TRNP1: variants seen among roughly 807,000 people sequenced by gnomAD.
TRNP1 encodes the protein TMF1 regulated nuclear protein 1.
TRNP1 carries 16 observed loss-of-function variants against 12.2 expected under a neutral mutation model. The ratio of observed to expected loss-of-function variants is 1.31; its 90% CI spans 0.89 to 1.99. The LOEUF is 1.99. Among genes scored for constraint, TRNP1 ranks in the 30% most tolerant of loss-of-function variants. TRNP1 has a pLI of 0.00. For synonymous variants in TRNP1, 139 were observed against 166.2 expected (o/e 0.84, Z 1.26); for missense variants, 338 against 330.4 (o/e 1.02, Z -0.18).
Position 26,993,888 on chromosome 1 carries a change from G to A in TRNP1, c.102G>A (p.Gln34=), listed in dbSNP as rs1355441095. 1 of 1,373,244 alleles carries A rather than the reference G, an allele frequency of 7.3e-7. No individual in the cohort carries two copies. The highest frequency in any genetic ancestry group is 9.3e-7 in the Non-Finnish European group (1 of 1,070,404). The allele number at this position is 1,373,244 out of a possible 1,614,324, so 85.1% of individuals were successfully genotyped here. A position where few individuals can be genotyped will look rare whatever the true frequency, so the allele number is the denominator to read the frequency against. ...PPPWDPMPSS[Q]PPPPTPTLTP... ...CCTGGGATCCCATGCCGTCCTCTCA[G>A]CCCCCGCCCCCAACTCCGACCTTGA... is the stretch of plus-strand genomic sequence containing the variant. Residue 34 remains glutamine (Q), a synonymous_variant, in exon 1 of 2, where the codon CAG becomes CAA. Transcript: ENST00000522111.
intron 1 of TRNP1, among the ~76,000 whole-genome samples, chr1:26,995,115 G>T (rs1223400917): frequency 1.3e-5 from 2 of 152,202 alleles, no homozygotes; most frequent in Non-Finnish European, 2.9e-5. Flanking sequence ...AGAGGTTTAG[G>T]ATTTGTTCTC....
Position 26,994,657 on chromosome 1 carries a change from GT to G in TRNP1, c.*142+46del, listed in dbSNP as rs2082536499. ...TGCGTTCGAGGGTCGGTCATGGCGT[GT>G]GGGGGGCTGGTCCAGGGCCCGGGAA... is the stretch of plus-strand genomic sequence containing the variant. On this transcript the variant is annotated intron_variant, in intron 1 of 1. Transcript: ENST00000522111. This position sits in a 1 kb window ranked among gnomAD's most constrained non-coding sequence, Gnocchi z 6.9. 6.8e-6 allele frequency: 2 copies of G among 294,732 alleles called. No individual in the cohort carries two copies. The highest frequency in any genetic ancestry group is 1.7e-4 in the East Asian group (2 of 11,430). 18.3% of individuals were successfully genotyped at this position (294,732 alleles called of 1,614,324 possible).
chr1:26,998,359 T>C (rs74062569), intron 1 of TRNP1, among the ~76,000 whole-genome samples: 5,648 of 152,180 alleles, frequency 0.037, 342 homozygotes, highest in African/African-American at 0.13. Flanking sequence ...AGACCAGAGT[T>C]ATTTTGTATT....
At position 26,994,188 on chromosome 1, in the gene TRNP1, C is replaced by T. The variant is rs1056412572; in HGVS notation, c.402C>T (p.Phe134=). The T allele has an allele frequency of 8.2e-5, 107 of 1,297,692 alleles. No individual in the cohort carries two copies. In the African/African-American group the frequency reaches 1.3e-3, roughly 16 times the overall value. The allele number at this position is 1,297,692 out of a possible 1,614,324, so 80.4% of individuals were successfully genotyped here. The part of the protein sequence containing the change: ...ESRVLQLHRV[F]LAAELRLAHR... Reference sequence around the variant, plus strand: ...GCGTGCTGCAGCTGCACCGCGTTTTCTTGGCGGCCGAGCTGCGCCTGGCGC... The same window carrying T: ...GCGTGCTGCAGCTGCACCGCGTTTTTTTGGCGGCCGAGCTGCGCCTGGCGC... Residue 134 remains phenylalanine, a synonymous_variant, in exon 1 of 2, where the codon TTC becomes TTT. Coordinates refer to ENST00000522111, the MANE Select transcript of TRNP1 (RefSeq NM_001013642.3). This position sits in a 1 kb window ranked among gnomAD's most constrained non-coding sequence, Gnocchi z 6.9.
At position 27,000,706 on chromosome 1, in the gene TRNP1, C is replaced by G. The variant is rs1322362555; in HGVS notation, c.*1002C>G. The stretch of plus-strand genomic sequence containing the variant: ...TGCAAGTGCCCTTGCTGCCTTTCCT[C>G]TGTGTCTATTATGGCTCTTTAAGTT... On this transcript the variant is annotated 3_prime_UTR_variant, in exon 2 of 2. Transcript: ENST00000522111. 6.6e-6 allele frequency: 1 copy of G among 152,388 alleles called. No individual in the cohort carries two copies. The highest frequency in any genetic ancestry group is 2.4e-5 in the African/African-American group (1 of 41,444). 9.4% of individuals were successfully genotyped at this position (152,388 alleles called of 1,614,324 possible).
intron 1 of TRNP1, among the ~76,000 whole-genome samples, chr1:26,998,818 G>GA (rs1185862283): frequency 1.3e-5 from 2 of 152,242 alleles, no homozygotes; most frequent in Admixed American, 6.5e-5. Flanking sequence ...TGAAGAAACA[G>GA]AGAGGGAGGG....
chr1:26,995,462 T>C (rs1169897024), intron 1 of TRNP1, among the ~76,000 whole-genome samples: 1 of 152,344 alleles, frequency 6.6e-6, no homozygotes, highest in East Asian at 1.9e-4. Context: ...CTGTCCCCAC[T>C]GTGAATGACC....
intron 1 of TRNP1, among the ~76,000 whole-genome samples, chr1:26,996,613 G>C (rs1012702641): frequency 2.0e-5 from 3 of 152,202 alleles, no homozygotes; most frequent in African/African-American, 7.2e-5. Context: ...CTGCAGCCAG[G>C]ACCATTTGTT....
intron 1 of TRNP1, among the ~76,000 whole-genome samples, chr1:26,998,236 A>G (rs1370533394): frequency 6.6e-6 from 1 of 151,648 alleles, no homozygotes; most frequent in Non-Finnish European, 1.5e-5. Context: ...AAAAGGGGGG[A>G]GCAAAGGAAG....
At chr1:26,998,897 T>C (rs1227745520) in intron 1 of TRNP1, among the ~76,000 whole-genome samples, 2 of 152,238 alleles carry the variant, frequency 1.3e-5, no homozygotes, top group African/African-American at 2.4e-5. Context: ...TATATGGTGA[T>C]TCATTTATCA....
Position 27,000,790 on chromosome 1 carries a change from T to G in TRNP1, c.*1086T>G, listed in dbSNP as rs1208125603. On this transcript the variant is annotated 3_prime_UTR_variant, in exon 2 of 2. Coordinates refer to ENST00000522111, the MANE Select transcript of TRNP1 (RefSeq NM_001013642.3). ...TTTGGCAGTCTGGCCCTGTTGACTT[T>G]GATTTGCAGACCAATTCTCCCTTGA... 1 of 152,266 alleles carries G rather than the reference T, an allele frequency of 6.6e-6. No homozygotes were observed. The highest frequency in any genetic ancestry group is 6.5e-5 in the Admixed American group (1 of 15,284). 9.4% of individuals were successfully genotyped at this position (152,266 alleles called of 1,614,324 possible). A position where few individuals can be genotyped will look rare whatever the true frequency, so the allele number is the denominator to read the frequency against.
chr1:26,997,613 G>C (rs1036762064), intron 1 of TRNP1, among the ~76,000 whole-genome samples: 4 of 152,156 alleles, frequency 2.6e-5, no homozygotes, highest in African/African-American at 4.8e-5. Context: ...CAGCTCTGGG[G>C]ACAGGACTGA....
At position 26,996,954 on chromosome 1, in the gene TRNP1, G is replaced by A. The variant is rs535862410; in HGVS notation, c.*142+2342G>A. Among the ~76,000 whole-genome samples the A allele has an allele frequency of 1.1e-3, 164 of 152,164 alleles. 2 individuals carry two copies. Among genetic ancestry groups the A allele is most frequent in the African/African-American group, 3.9e-3 (161 of 41,490 alleles). Reference sequence around the variant, plus strand: ...ACTTGAACCCCAGCTCCTAGTTAGTGCTATGTCCATTACCACATAGCCAAC... The same window carrying A: ...ACTTGAACCCCAGCTCCTAGTTAGTACTATGTCCATTACCACATAGCCAAC... On this transcript the variant is annotated intron_variant, in intron 1 of 1. Transcript: ENST00000522111.
Position 26,994,036 on chromosome 1 carries a change from G to C in TRNP1, c.250G>C (p.Ala84Pro). The C allele has an allele frequency of 8.1e-7, 1 of 1,236,660 alleles. No homozygotes were observed. The highest frequency in any genetic ancestry group is 1.0e-6 in the Non-Finnish European group (1 of 991,040). 76.6% of individuals were successfully genotyped at this position (1,236,660 alleles called of 1,614,324 possible). A position where few individuals can be genotyped will look rare whatever the true frequency, so the allele number is the denominator to read the frequency against. ...GGGCGCTAGCGGGATCGCGGGGCTC[G>C]CCGGCCCCGGAGGGGGCTCTGGCGC... ...RQGASGIAGL[A>P]GPGGGSGAAA... is the part of the protein sequence containing the mutation. Residue 84 changes from alanine (A) to proline (P), a missense_variant, in exon 1 of 2, where the codon GCC becomes CCC. Transcript: ENST00000522111. The surrounding 1 kb of genome is among the most constrained non-coding windows in gnomAD (Gnocchi z 6.9).
chr1:26,994,460 C>G lies in TRNP1; in HGVS notation c.674C>G (p.Pro225Arg), dbSNP rs1324970175. Residue 225 changes from proline (P) to arginine (R), a missense_variant, in exon 1 of 2, where the codon CCG becomes CGG. Transcript: ENST00000522111. The surrounding 1 kb of genome is among the most constrained non-coding windows in gnomAD (Gnocchi z 6.9). Reference protein sequence around the residue: ...RRSPPRGPASPQR With the variant: ...RRSPPRGPASRQR The stretch of plus-strand genomic sequence containing the variant: ...AGCCCGCCCCGCGGCCCCGCCTCCC[C>G]GCAGCGCTGACCTCCACGCCCGGAC... The G allele has an allele frequency of 1.7e-6, 2 of 1,178,354 alleles. No homozygotes were observed. Among genetic ancestry groups the G allele is most frequent in the African/African-American group, 3.2e-5 (2 of 62,332 alleles). The allele number at this position is 1,178,354 out of a possible 1,614,324, so 73.0% of individuals were successfully genotyped here. A position where few individuals can be genotyped will look rare whatever the true frequency, so the allele number is the denominator to read the frequency against.
chr1:26,997,282 C>G (rs1287056268), intron 1 of TRNP1, among the ~76,000 whole-genome samples: 2 of 138,894 alleles, frequency 1.4e-5, no homozygotes, highest in Non-Finnish European at 3.1e-5. Context: ...TTGCACCGCA[C>G]TCCAGCCTGG....
At position 26,993,894 on chromosome 1, in the gene TRNP1, GC is replaced by G; in HGVS notation, c.113del (p.Pro38GlnfsTer5). ...WDPMPSSQPPPPTPTLTPTPT... is the reference protein window; with the variant it reads ...WDPMPSSQPPXPTPTLTPTPT... ...ATCCCATGCCGTCCTCTCAGCCCCC[GC>G]CCCCAACTCCGACCTTGACTCCTAC... On this transcript the variant is annotated frameshift_variant, in exon 1 of 2. Coordinates refer to ENST00000522111, the MANE Select transcript of TRNP1 (RefSeq NM_001013642.3). LOFTEE classifies it high-confidence loss of function. The G allele has an allele frequency of 2.9e-6, 4 of 1,373,602 alleles. No homozygotes were observed. Among genetic ancestry groups the G allele is most frequent in the South Asian group, 1.7e-5 (1 of 58,444 alleles). The allele number at this position is 1,373,602 out of a possible 1,614,324, so 85.1% of individuals were successfully genotyped here. A position where few individuals can be genotyped will look rare whatever the true frequency, so the allele number is the denominator to read the frequency against.
rs1452411894 is a variant in TRNP1 at position 27,000,810 on chromosome 1, C to T, written c.*1106C>T. 2 of 152,160 alleles carry T rather than the reference C, an allele frequency of 1.3e-5. No individual in the cohort carries two copies. The highest frequency in any genetic ancestry group is 2.9e-5 in the Non-Finnish European group (2 of 68,048). The allele number at this position is 152,160 out of a possible 1,614,324, so 9.4% of individuals were successfully genotyped here. ...GACTTTGATTTGCAGACCAATTCTCCCTTGACCTGACTCACAGCCGCCTGC... is the reference window on the plus strand; with the variant it reads ...GACTTTGATTTGCAGACCAATTCTCTCTTGACCTGACTCACAGCCGCCTGC... On this transcript the variant is annotated 3_prime_UTR_variant, in exon 2 of 2. Coordinates refer to ENST00000522111, the MANE Select transcript of TRNP1 (RefSeq NM_001013642.3).
chr1:26,996,540 G>A lies in TRNP1; in HGVS notation c.*142+1928G>A, dbSNP rs114515719. Among the ~76,000 whole-genome samples, 488 of 152,326 alleles carry A rather than the reference G, an allele frequency of 3.2e-3. 3 individuals are homozygous for A. The highest frequency in any genetic ancestry group is 0.011 in the African/African-American group (450 of 41,570). On this transcript the variant is annotated intron_variant, in intron 1 of 1. Transcript: ENST00000522111. ...TCCAAAGCCACTTGGGTCATTTGGGGTCTAGAGGCTTAGAGAGGACAGGAC... is the reference window on the plus strand; with the variant it reads ...TCCAAAGCCACTTGGGTCATTTGGGATCTAGAGGCTTAGAGAGGACAGGAC...
Sources: gnomAD v4.1 joint callset for allele counts (sites outside exome capture counted in the v4.1 genomes callset) on GRCh38, gnomAD v4.1.1 for gene constraint, Gnocchi (gnomAD v3.1) non-coding constraint, MANE v1.5 for transcripts, NCBI Gene and HGNC (gene_info 2026-07-23, HGNC 2026-07-21) for gene names.